RAD9B: variants seen among roughly 807,000 people sequenced by gnomAD.
The protein encoded by RAD9B is RAD9 checkpoint clamp component B.
Under a neutral mutation model 48.3 loss-of-function variants are expected in RAD9B, and 41 were observed. The observed-to-expected ratio is 0.85, with a 90% CI of 0.66 to 1.10. RAD9B has a LOEUF of 1.10. Among genes scored for constraint, RAD9B ranks in the 50% least tolerant of loss-of-function variants. The pLI, the probability that RAD9B is intolerant of heterozygous loss-of-function variation, is 0.00. For synonymous variants in RAD9B, 160 were observed against 157.9 expected (o/e 1.01, Z -0.10); for missense variants, 444 against 485.1 (o/e 0.92, Z 0.80).
Position 110,518,737 on chromosome 12 carries a change from A to C in RAD9B, c.657A>C (p.Gln219His), listed in dbSNP as rs1344257840. The C allele has an allele frequency of 1.2e-6, 2 of 1,611,716 alleles. No individual in the cohort carries two copies. Among genetic ancestry groups the C allele is most frequent in the Admixed American group, 1.7e-5 (1 of 59,908 alleles). ...GCTCAGATGAGTTTGACTTCTTTCA[A>C]ATTGGAATGGACACTGAGATAACAT... Reference protein sequence around the residue: ...FVGSDEFDFFQIGMDTEITFC... With the variant: ...FVGSDEFDFFHIGMDTEITFC... Residue 219 changes from glutamine (Q) to histidine (H), a missense_variant, in exon 7 of 11, where the codon CAA becomes CAC. Gln to His is a conservative substitution (Grantham distance 24, BLOSUM62 0). Transcript: ENST00000409300.
chr12:110,517,390 C>T (rs1394163354), intron 6 of RAD9B, among the ~76,000 whole-genome samples: 8 of 150,424 alleles, frequency 5.3e-5, no homozygotes, highest in Non-Finnish European at 1.2e-4. Context: ...TTTGGGAGGC[C>T]GAGGAGGGCT....
At chr12:110,502,652 A>T (rs1425590107) in intron 1 of RAD9B, 4 of 480,064 alleles carry the variant, frequency 8.3e-6, no homozygotes, top group Non-Finnish European at 1.5e-5. Flanking sequence ...GATGCTGAGG[A>T]CTGCATGGGG....
rs2063565141 is a variant in RAD9B, at chr12:110,514,986, T to C, written c.489-64T>C. ...CCAGATTAGAGATTTGAGTCCCAGT[T>C]AATAAGGTATGTCTTTCTGTTTGTT... On this transcript the variant is annotated intron_variant, in intron 5 of 10. Transcript: ENST00000409300. 6.1e-6 allele frequency: 6 copies of C among 979,372 alleles called. No homozygotes were observed. The South Asian group carries it at 8.7e-5, about 14-fold the overall frequency. The allele number at this position is 979,372 out of a possible 1,614,324, so 60.7% of individuals were successfully genotyped here. A position where few individuals can be genotyped will look rare whatever the true frequency, so the allele number is the denominator to read the frequency against.
intron 10 of RAD9B, among the ~76,000 whole-genome samples, chr12:110,529,466 G>A (rs893281319): frequency 6.6e-6 from 1 of 152,092 alleles, no homozygotes; most frequent in Non-Finnish European, 1.5e-5. Flanking sequence ...TTAAAGATAA[G>A]AAGACTGAGC....
chr12:110,506,584 T>G lies in RAD9B; in HGVS notation c.279T>G (p.Ile93Met). Reference protein sequence around the residue: ...HLKCKLGMKSILPIFRCLNSL... With the variant: ...HLKCKLGMKSMLPIFRCLNSL... Reference sequence around the variant, plus strand: ...TATGTATATTTCTGTTACAGTCAATTTTGCCCATCTTTAGATGTCTGAATT... The same window carrying G: ...TATGTATATTTCTGTTACAGTCAATGTTGCCCATCTTTAGATGTCTGAATT... Residue 93 changes from isoleucine to methionine, a missense_variant, in exon 4 of 11, where the codon ATT becomes ATG. Ile to Met is a conservative substitution (Grantham distance 10). Transcript: ENST00000409300. The G allele has an allele frequency of 6.8e-7, 1 of 1,479,202 alleles. No homozygotes were observed. The highest frequency in any genetic ancestry group is 9.4e-7 in the Non-Finnish European group (1 of 1,058,454). The allele number at this position is 1,479,202 out of a possible 1,614,324, so 91.6% of individuals were successfully genotyped here.
intron 5 of RAD9B, 22 bp downstream of exon 5, chr12:110,512,900 G>A (rs374878280): frequency 3.3e-4 from 397 of 1,207,996 alleles, no homozygotes; most frequent in Non-Finnish European, 4.5e-4. Flanking sequence ...TCTGTTGTCA[G>A]TTTTTTTCAC....
chr12:110,518,531 A>G (rs562695808), intron 6 of RAD9B, 145 bp from the exon 7 acceptor site: 4 of 511,880 alleles, frequency 7.8e-6, no homozygotes, highest in Non-Finnish European at 1.4e-5. Flanking sequence ...ATTTAAAAAT[A>G]GCATGCAGAT....
intron 5 of RAD9B, among the ~76,000 whole-genome samples, chr12:110,514,734 A>G (rs1394169287): frequency 1.3e-5 from 2 of 152,242 alleles, no homozygotes; most frequent in East Asian, 3.8e-4. Flanking sequence ...GATCTAGGGC[A>G]TAAGTAACTG....
chr12:110,509,142 G>A (rs925196555), intron 4 of RAD9B, among the ~76,000 whole-genome samples: 4 of 151,266 alleles, frequency 2.6e-5, no homozygotes, highest in Non-Finnish European at 4.4e-5. Flanking sequence ...CTTTTTTTTT[G>A]TATTTTTAGT....
At chr12:110,504,631 G>A (rs752380635) in intron 2 of RAD9B, among the ~76,000 whole-genome samples, 4 of 152,034 alleles carry the variant, frequency 2.6e-5, no homozygotes, top group African/African-American at 4.8e-5. Context: ...GTGTGAGACC[G>A]CCAATATGCT....
At position 110,522,193 on chromosome 12, in the gene RAD9B, A is replaced by G. The variant is rs2063806808; in HGVS notation, c.907A>G (p.Lys303Glu). ...QKRKRSDLIEKKAGKNVTGQA... is the reference protein window; with the variant it reads ...QKRKRSDLIEEKAGKNVTGQA... ...ATACCTCAGGTCAGATCTGATTGAA[A>G]AAAAGGCTGGCAAAAATGTAACTGG... The change falls in exon 10 of 11, where the codon AAA becomes GAA. Residue 303 changes from lysine (K) to glutamate (E), a missense_variant. Lys to Glu is a moderately conservative substitution (Grantham distance 56, BLOSUM62 1). Transcript: ENST00000409300. The G allele has an allele frequency of 1.3e-6, 2 of 1,587,362 alleles. No individual in the cohort carries two copies. Among genetic ancestry groups the G allele is most frequent in the Admixed American group, 1.8e-5 (1 of 55,022 alleles).
rs2064118569 is a variant in RAD9B, at chr12:110,530,869, T to C, written c.*216T>C. 7.7e-7 allele frequency: 1 copy of C among 1,294,834 alleles called. No homozygotes were observed. Among genetic ancestry groups the C allele is most frequent in the Admixed American group, 3.4e-5 (1 of 29,420 alleles). The allele number at this position is 1,294,834 out of a possible 1,614,324, so 80.2% of individuals were successfully genotyped here. ...TGCTTTAAATCCATTATGCTACTTG[T>C]GAGGCAGAAGAGTTTTCTGTGAAGG... On this transcript the variant is annotated 3_prime_UTR_variant, in exon 11 of 11. Coordinates refer to ENST00000409300, the MANE Select transcript of RAD9B (RefSeq NM_001286535.2).
At chr12:110,514,056 C>T (rs981388917) in intron 5 of RAD9B, among the ~76,000 whole-genome samples, 1 of 148,174 alleles carries the variant, frequency 6.7e-6, no homozygotes, top group African/African-American at 2.5e-5. Flanking sequence ...TTCCTTCCTT[C>T]CTTGCTTCCT....
intron 4 of RAD9B, among the ~76,000 whole-genome samples, chr12:110,511,160 AC>A (rs1305147257): frequency 6.6e-6 from 1 of 152,142 alleles, no homozygotes; most frequent in Non-Finnish European, 1.5e-5. Flanking sequence ...TTAAGAAACT[AC>A]CTGTATTTTG....
intron 6 of RAD9B, among the ~76,000 whole-genome samples, chr12:110,517,009 T>C (rs1057245023): frequency 6.6e-6 from 1 of 151,830 alleles, no homozygotes; most frequent in Non-Finnish European, 1.5e-5. Context: ...CAACAGGAGA[T>C]TGAGTGAAGA....
Position 110,503,810 on chromosome 12 carries a change from T to C in RAD9B, c.51T>C (p.Phe17=). The C allele has an allele frequency of 6.2e-7, 1 of 1,607,038 alleles. No homozygotes were observed. The highest frequency in any genetic ancestry group is 8.5e-7 in the Non-Finnish European group (1 of 1,176,120). ...CACCTTTCTTTTTCTCCATAGTATTTGGGAAAGCAGTTCAAGCTCTATCAC... is the reference window on the plus strand; with the variant it reads ...CACCTTTCTTTTTCTCCATAGTATTCGGGAAAGCAGTTCAAGCTCTATCAC... ...CVMSGSQVKV[F]GKAVQALSRI... The change falls in exon 2 of 11, where the codon TTT becomes TTC. Residue 17 remains phenylalanine, a synonymous_variant. Coordinates refer to ENST00000409300, the MANE Select transcript of RAD9B (RefSeq NM_001286535.2).
chr12:110,512,642 G>A lies in RAD9B; in HGVS notation c.389-137G>A, dbSNP rs2063493223. On this transcript the variant is annotated intron_variant, in intron 4 of 10. Transcript: ENST00000409300. ...TAAACACATTTAATTAAGGAATAGT[G>A]CTTCTCCAAGGTATATGCACTTGCC... is the stretch of plus-strand genomic sequence containing the variant. 3.6e-5 allele frequency: 20 copies of A among 553,164 alleles called. No homozygotes were observed. The South Asian group carries it at 4.2e-4, about 11-fold the overall frequency. The allele number at this position is 553,164 out of a possible 1,614,324, so 34.3% of individuals were successfully genotyped here. A position where few individuals can be genotyped will look rare whatever the true frequency, so the allele number is the denominator to read the frequency against.
chr12:110,514,187 T>G (rs1270356966), intron 5 of RAD9B, among the ~76,000 whole-genome samples: 2 of 152,204 alleles, frequency 1.3e-5, no homozygotes, highest in African/African-American at 4.8e-5. Context: ...ATGAATTTTG[T>G]AGGTGTTCCT....
At chr12:110,529,015 A>G (rs1489991474) in intron 10 of RAD9B, among the ~76,000 whole-genome samples, 1 of 151,872 alleles carries the variant, frequency 6.6e-6, no homozygotes, top group African/African-American at 2.4e-5. Flanking sequence ...GGCGTGAGCT[A>G]CCGTGCCGGG....
Sources: allele counts gnomAD v4.1 joint callset (sites outside exome capture counted in the v4.1 genomes callset), GRCh38; gene constraint gnomAD v4.1.1; transcripts MANE v1.5; gene names NCBI Gene and HGNC (gene_info 2026-07-23, HGNC 2026-07-21).